The following DACH1 variants were observed in gnomAD, a reference collection of about 807,000 sequenced individuals.
DACH1 encodes dachshund family transcription factor 1, also known as dachshund homolog 1.
In DACH1, 12 loss-of-function variants were observed where a neutral mutation model predicts 54.2. The ratio of observed to expected loss-of-function variants is 0.22; its 90% CI spans 0.14 to 0.36. The LOEUF (loss-of-function observed/expected upper bound fraction) is 0.36. Ranked by LOEUF, DACH1 falls within the 10% of genes least tolerant of loss-of-function variation. DACH1 has a pLI of 1.00. For missense variants in DACH1, 805 were observed against 929.8 expected, an observed-to-expected ratio of 0.87 and a Z score of 1.75; for synonymous variants, 386 against 366.2, an observed-to-expected ratio of 1.05 and a Z score of -0.62.
chr13:71,644,815 G>C (rs1277234032), intron 2 of DACH1, among the ~76,000 whole-genome samples: 3 of 152,148 alleles, frequency 2.0e-5, no homozygotes, highest in Non-Finnish European at 4.4e-5. Flanking sequence ...GCAAGACCAG[G>C]CTCCCTACTA....
intron 7 of DACH1, among the ~76,000 whole-genome samples, chr13:71,483,945 A>G (rs1878272007): frequency 6.6e-6 from 1 of 152,194 alleles, no homozygotes; most frequent in African/African-American, 2.4e-5. Flanking sequence ...AGTGCATTCT[A>G]TGATGTTTGC....
intron 6 of DACH1, among the ~76,000 whole-genome samples, chr13:71,492,060 A>G (rs1879023618): frequency 6.6e-6 from 1 of 152,202 alleles, no homozygotes; most frequent in Non-Finnish European, 1.5e-5. Flanking sequence ...TTGGATTAGT[A>G]TAGCATTTGA....
chr13:71,765,595 G>A (rs1885585405), intron 1 of DACH1, among the ~76,000 whole-genome samples: 1 of 152,096 alleles, frequency 6.6e-6, no homozygotes, highest in Non-Finnish European at 1.5e-5. Flanking sequence ...ATAAATGAGA[G>A]CCATTATTAT....
At chr13:71,573,216 G>A (rs1202051713) in intron 3 of DACH1, among the ~76,000 whole-genome samples, 2 of 152,010 alleles carry the variant, frequency 1.3e-5, no homozygotes, top group African/African-American at 4.8e-5. Context: ...AACTTATCCT[G>A]TGTTTAATAC....
At chr13:71,535,244 CATATTT>C (rs142984099) in intron 6 of DACH1, among the ~76,000 whole-genome samples, 2,213 of 151,684 alleles carry the variant, frequency 0.015, 52 homozygotes, top group African/African-American at 0.051. Flanking sequence ...CTTAAAGAAG[CATATTT>C]ATAGATGTTG....
At chr13:71,517,150 A>G (rs1453740589) in intron 6 of DACH1, among the ~76,000 whole-genome samples, 1 of 151,796 alleles carries the variant, frequency 6.6e-6, no homozygotes, top group African/African-American at 2.4e-5. Context: ...TATATGACAG[A>G]GACTGGGTGA....
At chr13:71,486,273 G>T (rs903459504) in intron 7 of DACH1, among the ~76,000 whole-genome samples, 1 of 151,766 alleles carries the variant, frequency 6.6e-6, no homozygotes, top group African/African-American at 2.4e-5. Flanking sequence ...TTAAAAAATG[G>T]AACTTTAAAC....
At chr13:71,582,263 A>T (rs1361641519) in intron 3 of DACH1, among the ~76,000 whole-genome samples, 5 of 152,160 alleles carry the variant, frequency 3.3e-5, no homozygotes, top group African/African-American at 1.2e-4. Flanking sequence ...AGCACAAATG[A>T]TTGTATTAAT....
At chr13:71,748,902 T>TTCTCTC in intron 1 of DACH1, among the ~76,000 whole-genome samples, 1 of 26,226 alleles carries the variant, frequency 3.8e-5, no homozygotes, top group African/African-American at 8.3e-5. Flanking sequence ...TTCTTTCTCT[T>TTCTCTC]TCTTTCTTTC....
At chr13:71,780,833 C>T (rs1332766896) in intron 1 of DACH1, among the ~76,000 whole-genome samples, 1 of 152,042 alleles carries the variant, frequency 6.6e-6, no homozygotes, top group African/African-American at 2.4e-5. Context: ...AATACATTTT[C>T]AAATTATTGC....
Position 71,630,596 on chromosome 13 carries a change from A to G in DACH1, c.1086T>C (p.His362=). 1 of 1,606,738 alleles carries G rather than the reference A, an allele frequency of 6.2e-7. No individual in the cohort carries two copies. The highest frequency in any genetic ancestry group is 8.5e-7 in the Non-Finnish European group (1 of 1,178,126). The change falls in exon 3 of 11, where the codon CAT becomes CAC. Residue 362 remains histidine, a synonymous_variant. Coordinates refer to ENST00000613252, the MANE Select transcript of DACH1 (RefSeq NM_080759.6). ...MSNYHASNNQ[H]GADSENGDMN... is the part of the protein sequence containing the mutation. Reference sequence around the variant, plus strand: ...TGTCCCCGTTTTCAGAGTCTGCTCCATGTTGGTTATTACTGGCATGATAGT... The same window carrying G: ...TGTCCCCGTTTTCAGAGTCTGCTCCGTGTTGGTTATTACTGGCATGATAGT...
intron 4 of DACH1, among the ~76,000 whole-genome samples, chr13:71,566,470 C>A (rs1884899658): frequency 6.6e-6 from 1 of 152,070 alleles, no homozygotes; most frequent in Non-Finnish European, 1.5e-5. Flanking sequence ...CACAAAGTTA[C>A]CTCATGAATC....
At chr13:71,475,606 C>G in intron 9 of DACH1, 100 bp downstream of exon 9, 4 of 1,359,464 alleles carry the variant, frequency 2.9e-6, no homozygotes, top group Non-Finnish European at 4.0e-6. Flanking sequence ...CTGAATGAAT[C>G]ACAAGATATA....
chr13:71,509,175 C>A (rs1880567118), intron 6 of DACH1, among the ~76,000 whole-genome samples: 1 of 152,124 alleles, frequency 6.6e-6, no homozygotes, highest in African/African-American at 2.4e-5. Context: ...GCTCTCTATT[C>A]ATTATAAACT....
At chr13:71,658,421 G>T (rs570923576) in intron 2 of DACH1, among the ~76,000 whole-genome samples, 2 of 152,024 alleles carry the variant, frequency 1.3e-5, no homozygotes, top group East Asian at 3.9e-4. Context: ...ATAGTCGTGG[G>T]AGCCTGTGAT....
At chr13:71,694,212 A>ACG (rs1881694107) in intron 1 of DACH1, among the ~76,000 whole-genome samples, 1 of 152,066 alleles carries the variant, frequency 6.6e-6, no homozygotes, top group African/African-American at 2.4e-5. Flanking sequence ...ACACACACAC[A>ACG]CAAGCACACA....
intron 3 of DACH1, among the ~76,000 whole-genome samples, chr13:71,625,699 C>A (rs1400069006): frequency 1.3e-5 from 2 of 151,948 alleles, no homozygotes; most frequent in Non-Finnish European, 2.9e-5. Flanking sequence ...GAAAAACAAT[C>A]ATATGTTTTG....
At chr13:71,707,423 C>T (rs934162056) in intron 1 of DACH1, among the ~76,000 whole-genome samples, 12 of 152,252 alleles carry the variant, frequency 7.9e-5, no homozygotes, top group African/African-American at 2.9e-4. Flanking sequence ...CCTGTGTACA[C>T]GGTGCCCAAA....
chr13:71,518,938 T>G (rs1002393005), intron 6 of DACH1, among the ~76,000 whole-genome samples: 4 of 151,898 alleles, frequency 2.6e-5, no homozygotes, highest in African/African-American at 9.7e-5. Context: ...GAAATTTTTA[T>G]GAAACTCAAA....
Sources: allele counts gnomAD v4.1 joint callset (sites outside exome capture counted in the v4.1 genomes callset), GRCh38; gene constraint gnomAD v4.1.1; transcripts MANE v1.5; gene names NCBI Gene and HGNC (gene_info 2026-07-23, HGNC 2026-07-21).